The following CA9 variants were observed in gnomAD, a reference collection of about 807,000 sequenced individuals.
CA9 encodes the protein carbonic anhydrase 9.
In CA9, 43 loss-of-function variants were observed where a neutral mutation model predicts 51.8. The observed-to-expected ratio is 0.83, with a 90% CI of 0.65 to 1.07. The LOEUF is 1.07. Ranked by LOEUF, CA9 falls within the 50% of genes least tolerant of loss-of-function variation. The pLI is 0.00. For missense variants in CA9, 574 were observed against 581.4 expected, an observed-to-expected ratio of 0.99 and a Z score of 0.13; for synonymous variants, 253 against 244.2, an observed-to-expected ratio of 1.04 and a Z score of -0.34.
At position 35,677,800 on chromosome 9, in the gene CA9, A is replaced by G. The variant is rs766597829; in HGVS notation, c.851A>G (p.Glu284Gly). The G allele has an allele frequency of 1.9e-6, 3 of 1,614,088 alleles. No homozygotes were observed. The highest frequency in any genetic ancestry group is 3.3e-5 in the Admixed American group (2 of 60,028). ...AATGTCATCCCCCAGGAGGGCCCGG[A>G]AGAAAACAGTGCCTATGAGCAGTTG... ...VLAAFLEEGPEENSAYEQLLS... is the reference protein window; with the variant it reads ...VLAAFLEEGPGENSAYEQLLS... Residue 284 changes from glutamate (E) to glycine (G), a missense_variant, in exon 6 of 11, where the codon GAA becomes GGA. By Grantham distance (98) the Glu-to-Gly change is moderately conservative. Transcript: ENST00000378357.
rs771768132 is a variant in CA9 at position 35,674,343 on chromosome 9, T to C, written c.384T>C (p.Asn128=). The C allele has an allele frequency of 5.0e-6, 8 of 1,612,298 alleles. No individual in the cohort carries two copies. In the Admixed American group the frequency reaches 1.2e-4, roughly 24 times the overall value. ...APGDPQEPQN[N]AHRDKEGDDQ... ...GAGATCCTCAAGAACCCCAGAATAA[T>C]GCCCACAGGGACAAAGAAGGTAAGT... Residue 128 remains asparagine, a synonymous_variant, in exon 1 of 11, where the codon AAT becomes AAC. Coordinates refer to ENST00000378357, the MANE Select transcript of CA9 (RefSeq NM_001216.3).
intron 6 of CA9, 126 bp downstream of exon 6, chr9:35,677,982 C>T (rs1350443874): frequency 2.9e-5 from 22 of 752,180 alleles, no homozygotes; most frequent in Non-Finnish European, 4.9e-5. Flanking sequence ...CATGAGCCAG[C>T]GCTCATCTTG....
chr9:35,675,374 G>T, intron 1 of CA9, 164 bp from the exon 2 acceptor site: 2 of 697,134 alleles, frequency 2.9e-6, no homozygotes, highest in South Asian at 1.7e-5. Flanking sequence ...CCCAGCTGCG[G>T]TGTTGAGTTT....
chr9:35,675,956 T>C, intron 3 of CA9, 25 bp downstream of exon 3: 2 of 1,600,104 alleles, frequency 1.2e-6, no homozygotes, highest in Non-Finnish European at 1.7e-6. Flanking sequence ...CCGCCGAGAC[T>C]TGGGGATGGG....
intron 9 of CA9, 184 bp from the exon 10 acceptor site, chr9:35,680,569 T>C (rs560292265): frequency 3.4e-5 from 21 of 609,430 alleles, no homozygotes; most frequent in Non-Finnish European, 5.8e-5. Flanking sequence ...GCAAAAACGG[T>C]GCTTATCTTA....
chr9:35,677,457 C>T (rs184127103), intron 5 of CA9, among the ~76,000 whole-genome samples: 207 of 150,236 alleles, frequency 1.4e-3, no homozygotes, highest in African/African-American at 3.9e-3. Context: ...CAGAAGGGCA[C>T]GGGTCACTGA....
At chr9:35,678,667 A>G (rs1824470511) in intron 6 of CA9, among the ~76,000 whole-genome samples, 1 of 148,556 alleles carries the variant, frequency 6.7e-6, no homozygotes. Flanking sequence ...ATATTTATTT[A>G]CAAGTTATTC....
In CA9 at chr9:35,676,291, T is replaced by C. The variant is rs149437119; in HGVS notation, c.748-6T>C. 1,147 of 1,614,030 alleles carry C rather than the reference T, an allele frequency of 7.1e-4. 15 individuals carry two copies. In the East Asian group the frequency reaches 0.022, roughly 30 times the overall value. ...TGGCCCTCTCCTACCCTCGTGTCCT[T>C]TTCAGATCCACGTGGTTCACCTCAG... On this transcript the variant is annotated splice_polypyrimidine_tract_variant and splice_region_variant and intron_variant, in intron 4 of 10. Transcript: ENST00000378357.
At chr9:35,679,107 G>A in intron 6 of CA9, 78 bp from the exon 7 acceptor site, 1 of 1,511,760 alleles carries the variant, frequency 6.6e-7, no homozygotes, top group East Asian at 2.3e-5. Flanking sequence ...CTTCTGGGAG[G>A]TGAAACTGTA....
At chr9:35,680,169 G>A (rs760967813) in intron 9 of CA9, 30 bp downstream of exon 9, 3 of 1,613,764 alleles carry the variant, frequency 1.9e-6, no homozygotes, top group Non-Finnish European at 2.5e-6. Context: ...TGGTCCTGAT[G>A]CCAGGAGACT....
In CA9 at chr9:35,680,003, A is replaced by G. The variant is rs1380684062; in HGVS notation, c.1210+5A>G. The G allele has an allele frequency of 1.2e-6, 2 of 1,614,204 alleles. No homozygotes were observed. Among genetic ancestry groups the G allele is most frequent in the Non-Finnish European group, 1.7e-6 (2 of 1,180,044 alleles). On this transcript the variant is annotated splice_donor_5th_base_variant and intron_variant, in intron 8 of 10. Transcript: ENST00000378357. ...GTCCTCGGGCTGCTGAGCCAGGTAC[A>G]GCTTTGTCTGGTTTCCCCCCAGCCA...
At chr9:35,677,908 C>A (rs1824456600) in intron 6 of CA9, 52 bp downstream of exon 6, 2 of 1,511,810 alleles carry the variant, frequency 1.3e-6, no homozygotes, top group Non-Finnish European at 1.8e-6. Context: ...CATAAAGAAT[C>A]ACCCTTTGGA....
At chr9:35,680,258 CAAT>C in intron 9 of CA9, 119 bp downstream of exon 9, 1 of 1,128,868 alleles carries the variant, frequency 8.9e-7, no homozygotes, top group African/African-American at 1.5e-5. Context: ...ACCCCAACCC[CAAT>C]ATTAGAGAGG....
Position 35,681,076 on chromosome 9 carries a change from A to T in CA9, c.*51A>T. 6.6e-7 allele frequency: 1 copy of T among 1,526,676 alleles called. No homozygotes were observed. The highest frequency in any genetic ancestry group is 9.0e-7 in the Non-Finnish European group (1 of 1,106,590). 94.6% of individuals were successfully genotyped at this position (1,526,676 alleles called of 1,614,324 possible). A position where few individuals can be genotyped will look rare whatever the true frequency, so the allele number is the denominator to read the frequency against. On this transcript the variant is annotated 3_prime_UTR_variant, in exon 11 of 11. Coordinates refer to ENST00000378357, the MANE Select transcript of CA9 (RefSeq NM_001216.3). ...AGCCAGCCAGAGGCATCTGAGGGGG[A>T]GCCGGTAACTGTCCTGTCCTGCTCA...
At chr9:35,679,050 G>A (rs1306100514) in intron 6 of CA9, 135 bp from the exon 7 acceptor site, 1 of 835,614 alleles carries the variant, frequency 1.2e-6, no homozygotes, top group Non-Finnish European at 1.9e-6. Context: ...CTTATGGGAA[G>A]GGCCTGCACT....
In CA9 at chr9:35,675,886, C is replaced by T. The variant is rs773705392; in HGVS notation, c.559C>T (p.Leu187Phe). 25 of 1,605,738 alleles carry T rather than the reference C, an allele frequency of 1.6e-5. No homozygotes were observed. The South Asian group carries it at 2.8e-4, about 18-fold the overall frequency. Reference sequence around the variant, plus strand: ...CCCCCTGGAACTCCTGGGCTTCCAGCTCCCGCCGCTCCCAGAACTGCGCCT... The same window carrying T: ...CCCCCTGGAACTCCTGGGCTTCCAGTTCCCGCCGCTCCCAGAACTGCGCCT... The part of the protein sequence containing the change: ...LRPLELLGFQ[L>F]PPLPELRLRN... The change falls in exon 3 of 11, where the codon CTC becomes TTC. Residue 187 changes from leucine (L) to phenylalanine (F), a missense_variant. Coordinates refer to ENST00000378357, the MANE Select transcript of CA9 (RefSeq NM_001216.3).
chr9:35,676,657 A>G (rs1259990594), intron 5 of CA9, among the ~76,000 whole-genome samples: 1 of 152,208 alleles, frequency 6.6e-6, no homozygotes, highest in East Asian at 1.9e-4. Context: ...GGACATAGTA[A>G]AGATGGTGGT....
At chr9:35,675,658 T>TTGCCCCC in intron 2 of CA9, 91 bp downstream of exon 2, 4 of 1,407,082 alleles carry the variant, frequency 2.8e-6, no homozygotes, top group Non-Finnish European at 4.0e-6. Context: ...GTCCCGGGCG[T>TTGCCCCC]CCCACCCGCC....
In CA9 at chr9:35,674,242, C is replaced by T; in HGVS notation, c.283C>T (p.Leu95=). The T allele has an allele frequency of 6.2e-7, 1 of 1,610,808 alleles. No individual in the cohort carries two copies. Among genetic ancestry groups the T allele is most frequent in the Non-Finnish European group, 8.5e-7 (1 of 1,179,286 alleles). Residue 95 remains leucine, a synonymous_variant, in exon 1 of 11, where the codon CTA becomes TTA. Coordinates refer to ENST00000378357, the MANE Select transcript of CA9 (RefSeq NM_001216.3). ...GEEDLPGEED[L]PEVKPKSEEE... is the part of the protein sequence containing the mutation. The stretch of plus-strand genomic sequence containing the variant: ...GGAGGATCTACCTGGAGAGGAGGAT[C>T]TACCTGAAGTTAAGCCTAAATCAGA...
Sources: gnomAD v4.1 joint callset for allele counts (sites outside exome capture counted in the v4.1 genomes callset) on GRCh38, gnomAD v4.1.1 for gene constraint, MANE v1.5 for transcripts, NCBI Gene and HGNC (gene_info 2026-07-23, HGNC 2026-07-21) for gene names.